Variants in PSMC3IP observed in about 807,000 individuals in gnomAD.
PSMC3IP encodes PSMC3 interacting protein.
In PSMC3IP, 26 loss-of-function variants were observed where a neutral mutation model predicts 34.9. The ratio of observed to expected loss-of-function variants is 0.74; its 90% confidence interval spans 0.55 to 1.03. The LOEUF is 1.03. Among genes scored for constraint, PSMC3IP ranks in the 50% least tolerant of loss-of-function variants. The probability of loss-of-function intolerance (pLI) is 0.00; values close to 1 mark genes in which losing one functional copy is unlikely to be tolerated. For synonymous variants in PSMC3IP, 87 were observed against 96.5 expected (o/e 0.90, Z 0.57); for missense variants, 250 against 263.1 (o/e 0.95, Z 0.34).
chr17:42,577,764 G>T, upstream of PSMC3IP: 1 of 1,572,010 alleles, frequency 6.4e-7, no homozygotes. Context: ...CGACGGGGGC[G>T]GGCCTCGAAC....
intron 6 of PSMC3IP, 34 bp downstream of exon 6, chr17:42,573,277 T>A (rs200614182): frequency 3.7e-6 from 6 of 1,614,098 alleles, no homozygotes; most frequent in Non-Finnish European, 5.1e-6. Context: ...CAAAGGCACC[T>A]CCAGGGCCTG....
chr17:42,573,559 CTTT>C lies in PSMC3IP; in HGVS notation c.399_401del (p.Lys135del). The stretch of plus-strand genomic sequence containing the variant: ...TCTCTCTGTAGCCAGCGCATTCCTT[CTTT>C]AACTCCTGGATTTCTTTCTGCATCT... On this transcript the variant is annotated inframe_deletion, in exon 5 of 8. Transcript: ENST00000393795. 1 of 1,614,190 alleles carries C rather than the reference CTTT, an allele frequency of 6.2e-7. No individual in the cohort carries two copies. Among genetic ancestry groups the C allele is most frequent in the African/African-American group, 1.3e-5 (1 of 75,048 alleles).
At chr17:42,575,747 G>A (rs1179033572) in intron 3 of PSMC3IP, among the ~76,000 whole-genome samples, 1 of 151,696 alleles carries the variant, frequency 6.6e-6, no homozygotes, top group Non-Finnish European at 1.5e-5. Context: ...AGTGGCTCAT[G>A]CCTGTAATCC....
Position 42,572,888 on chromosome 17 carries a change from A to G in PSMC3IP, c.*80T>C, listed in dbSNP as rs755741929. On this transcript the variant is annotated 3_prime_UTR_variant, in exon 8 of 8. Coordinates refer to ENST00000393795, the MANE Select transcript of PSMC3IP (RefSeq NM_016556.4). The stretch of plus-strand genomic sequence containing the variant: ...GTAGCAGGAACAACAACAAAAGCCA[A>G]CCAAAAACAAGGTAGCCAGTGCAAG... The G allele has an allele frequency of 5.2e-6, 8 of 1,540,946 alleles. No homozygotes were observed. In the African/African-American group the frequency reaches 5.5e-5, roughly 11 times the overall value.
chr17:42,574,025 AT>A, intron 4 of PSMC3IP, 73 bp downstream of exon 4: 2 of 1,590,124 alleles, frequency 1.3e-6, no homozygotes, highest in Non-Finnish European at 1.7e-6. Context: ...TCATTGAACC[AT>A]TCATTTAGTA....
In PSMC3IP at chr17:42,572,846, T is replaced by TC; in HGVS notation, c.*121dup. 8.4e-7 allele frequency: 1 copy of TC among 1,196,774 alleles called. No homozygotes were observed. The highest frequency in any genetic ancestry group is 1.2e-5 in the South Asian group (1 of 80,062). 74.1% of individuals were successfully genotyped at this position (1,196,774 alleles called of 1,614,324 possible). On this transcript the variant is annotated 3_prime_UTR_variant, in exon 8 of 8. Coordinates refer to ENST00000393795, the MANE Select transcript of PSMC3IP (RefSeq NM_016556.4). ...TGGTTTATGCTTGTCTCCTGACTGC[T>TC]CTGCTTAAAGGTGAAAGTAGCAGGA... is the stretch of plus-strand genomic sequence containing the variant.
rs750132857 is a variant in PSMC3IP at position 42,573,357 on chromosome 17, C to G, written c.491G>C (p.Arg164Thr). 6.2e-7 allele frequency: 1 copy of G among 1,614,162 alleles called. No individual in the cohort carries two copies. Among genetic ancestry groups the G allele is most frequent in the Non-Finnish European group, 8.5e-7 (1 of 1,180,028 alleles). The change falls in exon 6 of 8, where the codon AGA becomes ACA. Residue 164 changes from arginine (R) to threonine (T), a missense_variant. Coordinates refer to ENST00000393795, the MANE Select transcript of PSMC3IP (RefSeq NM_016556.4). ...CTCCTTACAGTACTTCTGCCTCTCT[C>G]TGTACACCTAGAAGGAAAAAGCAAG... ...VTPEEKEQVY[R>T]ERQKYCKEWR...
chr17:42,577,669 T>C lies in PSMC3IP; in HGVS notation c.18A>G (p.Ala6=). MSKGR[A]EAAAGAAGIL... ...CGCCGTTACCTCCCGCCGCAGCTTCTGCCCGGCCTTTACTCATCGCCTTTC... is the reference window on the plus strand; with the variant it reads ...CGCCGTTACCTCCCGCCGCAGCTTCCGCCCGGCCTTTACTCATCGCCTTTC... Residue 6 remains alanine (A), a synonymous_variant, in exon 1 of 8, where the codon GCA becomes GCG. Transcript: ENST00000393795. 2 of 1,614,150 alleles carry C rather than the reference T, an allele frequency of 1.2e-6. No homozygotes were observed. Among genetic ancestry groups the C allele is most frequent in the South Asian group, 1.1e-5 (1 of 91,088 alleles).
chr17:42,576,154 A>C (rs2093074273), intron 3 of PSMC3IP, among the ~76,000 whole-genome samples: 1 of 152,282 alleles, frequency 6.6e-6, no homozygotes, highest in Non-Finnish European at 1.5e-5. Flanking sequence ...AGAGCTGGCC[A>C]GGAAGAGAAG....
intron 3 of PSMC3IP, 96 bp from the exon 4 acceptor site, chr17:42,574,306 C>T (rs1474730757): frequency 6.5e-7 from 1 of 1,545,504 alleles, no homozygotes; most frequent in Admixed American, 2.0e-5. Flanking sequence ...TGCTCAGGAA[C>T]CAGCCACACC....
rs78253892 is a variant in PSMC3IP, at chr17:42,576,973, G to A, written c.225+240C>T. ...TAGATGATAAGGAATAAGAGCTTTG[G>A]AGCGGAAATGGATCTTGGTAGCAAC... is the stretch of plus-strand genomic sequence containing the variant. On this transcript the variant is annotated intron_variant, in intron 3 of 7. Coordinates refer to ENST00000393795, the MANE Select transcript of PSMC3IP (RefSeq NM_016556.4). 793 of 886,480 alleles carry A rather than the reference G, an allele frequency of 8.9e-4. 4 individuals carry two copies. In the African/African-American group the frequency reaches 0.012, roughly 14 times the overall value. 54.9% of individuals were successfully genotyped at this position (886,480 alleles called of 1,614,324 possible).
chr17:42,573,033 CAG>C lies in PSMC3IP; in HGVS notation c.598-11_598-10del, dbSNP rs1439097629. On this transcript the variant is annotated splice_polypyrimidine_tract_variant and intron_variant, in intron 7 of 7. Transcript: ENST00000393795. The stretch of plus-strand genomic sequence containing the variant: ...TCTATCCCAACTTCCTCCTGTGAGA[CAG>C]GGAGACAAGTGAATGAGATGTCACC... 9.9e-6 allele frequency: 16 copies of C among 1,614,216 alleles called. No individual in the cohort carries two copies. Among genetic ancestry groups the C allele is most frequent in the Non-Finnish European group, 1.4e-5 (16 of 1,180,036 alleles).
rs2093047473 is a variant in PSMC3IP at position 42,573,185 on chromosome 17, A to G, written c.538-19T>C. The G allele has an allele frequency of 6.2e-7, 1 of 1,613,848 alleles. No homozygotes were observed. The highest frequency in any genetic ancestry group is 1.1e-5 in the South Asian group (1 of 91,068). On this transcript the variant is annotated intron_variant, in intron 6 of 7. Coordinates refer to ENST00000393795, the MANE Select transcript of PSMC3IP (RefSeq NM_016556.4). Reference sequence around the variant, plus strand: ...CTGTAGCCTGACAAGAAATAAAACCACCCGTTTTCAGATGGGCAGCACTGG... The same window carrying G: ...CTGTAGCCTGACAAGAAATAAAACCGCCCGTTTTCAGATGGGCAGCACTGG...
In PSMC3IP at chr17:42,573,118, T is replaced by G. The variant is rs374511642; in HGVS notation, c.586A>C (p.Lys196Gln). The G allele has an allele frequency of 9.9e-6, 16 of 1,614,102 alleles. No individual in the cohort carries two copies. Among genetic ancestry groups the G allele is most frequent in the Non-Finnish European group, 1.4e-5 (16 of 1,180,040 alleles). The change falls in exon 7 of 8, where the codon AAG (lysine) becomes CAG (glutamine). Residue 196 changes from lysine to glutamine, a missense_variant. Lys to Gln is a moderately conservative substitution (Grantham distance 53). Coordinates refer to ENST00000393795, the MANE Select transcript of PSMC3IP (RefSeq NM_016556.4). ...AILEGYPKSK[K>Q]QFFEEVGIET... is the part of the protein sequence containing the mutation. ...AGAGCTCCACTTACAAAGAACTGCT[T>G]CTTGCTCTTGGGGTATCCTTCAAGT...
intron 3 of PSMC3IP, among the ~76,000 whole-genome samples, chr17:42,574,856 C>T (rs2093065091): frequency 6.6e-6 from 1 of 152,128 alleles, no homozygotes. Context: ...TGGCTTCAAG[C>T]GATTCTCATG....
chr17:42,573,927 G>A (rs1410182884), intron 4 of PSMC3IP, 172 bp downstream of exon 4: 1 of 1,533,108 alleles, frequency 6.5e-7, no homozygotes, highest in Non-Finnish European at 8.7e-7. Flanking sequence ...CCATTTGTTG[G>A]TACACAAAAG....
chr17:42,577,590 C>T (rs1383688463), intron 1 of PSMC3IP, 29 bp from the exon 2 acceptor site: 2 of 1,614,166 alleles, frequency 1.2e-6, no homozygotes, highest in South Asian at 1.1e-5. Context: ...GGGAGGGGGC[C>T]ACTCAACCGA....
At chr17:42,573,683 C>T (rs1813403657) in intron 4 of PSMC3IP, 60 bp from the exon 5 acceptor site, 1 of 1,593,246 alleles carries the variant, frequency 6.3e-7, no homozygotes, top group East Asian at 2.2e-5. Flanking sequence ...CTGTCTTTCC[C>T]AGTGGGTGCT....
chr17:42,573,690 T>C, intron 4 of PSMC3IP, 67 bp from the exon 5 acceptor site: 2 of 1,588,876 alleles, frequency 1.3e-6, no homozygotes, highest in South Asian at 2.2e-5. Flanking sequence ...TCCCAGTGGG[T>C]GCTCCCTGAG....
Sources: gnomAD v4.1 joint callset for allele counts (sites outside exome capture counted in the v4.1 genomes callset) on GRCh38, gnomAD v4.1.1 for gene constraint, MANE v1.5 for transcripts, NCBI Gene and HGNC (gene_info 2026-07-23, HGNC 2026-07-21) for gene names.